MGLL: variants seen among roughly 807,000 people sequenced by gnomAD.
MGLL encodes the protein monoglyceride lipase.
MGLL carries 7 observed loss-of-function variants against 29.1 expected under a neutral mutation model. The ratio of observed to expected loss-of-function variants is 0.24; its 90% CI spans 0.14 to 0.45. The LOEUF (loss-of-function observed/expected upper bound fraction) is 0.45, where lower values mean the gene tolerates loss of function less well. MGLL is among the 20% of genes least tolerant of loss of function. The pLI is 0.99. For missense variants in MGLL, 356 were observed against 413.6 expected, an observed-to-expected ratio of 0.86 and a Z score of 1.21; for synonymous variants, 148 against 168.3, an observed-to-expected ratio of 0.88 and a Z score of 0.93.
chr3:127,755,117 C>T (rs764502137), intron 3 of MGLL, among the ~76,000 whole-genome samples: 4 of 152,152 alleles, frequency 2.6e-5, no homozygotes, highest in African/African-American at 7.2e-5. Context: ...TTTGCCCACA[C>T]GGCCTCGTCA....
chr3:127,792,234 G>C (rs115949607), intron 2 of MGLL, among the ~76,000 whole-genome samples: 1,757 of 152,284 alleles, frequency 0.012, 42 homozygotes, highest in South Asian at 0.095. Context: ...CCCAGACCAA[G>C]ACTACAGCCA....
chr3:127,781,996 G>C, intron 2 of MGLL, 101 bp from the exon 3 acceptor site: 5 of 1,062,800 alleles, frequency 4.7e-6, no homozygotes, highest in Non-Finnish European at 7.1e-6. Flanking sequence ...CGGGGCGGGC[G>C]GATTGCCTGA....
At chr3:127,765,384 A>G (rs1186525358) in intron 3 of MGLL, among the ~76,000 whole-genome samples, 1 of 152,248 alleles carries the variant, frequency 6.6e-6, no homozygotes, top group Non-Finnish European at 1.5e-5. Context: ...TCCTTCTGAA[A>G]GATAACCAGG....
intron 2 of MGLL, among the ~76,000 whole-genome samples, chr3:127,809,348 A>G (rs1407277446): frequency 6.6e-6 from 1 of 152,178 alleles, no homozygotes; most frequent in Non-Finnish European, 1.5e-5. Flanking sequence ...TCATGAGGCC[A>G]GGTGTGGTGG....
intron 2 of MGLL, among the ~76,000 whole-genome samples, chr3:127,796,936 T>C (rs1370814244): frequency 1.3e-5 from 2 of 152,180 alleles, no homozygotes; most frequent in Non-Finnish European, 2.9e-5. Context: ...CATCTCTCTT[T>C]GGGCACTTAT....
chr3:127,782,521 C>T lies in MGLL; in HGVS notation c.156-626G>A, dbSNP rs544393316. Among the ~76,000 whole-genome samples, 87 of 152,268 alleles carry T rather than the reference C, an allele frequency of 5.7e-4. 1 individual carries two copies. The highest frequency in any genetic ancestry group is 9.7e-4 in the Non-Finnish European group (66 of 68,014). On this transcript the variant is annotated intron_variant, in intron 2 of 7. Coordinates refer to ENST00000265052, the MANE Select transcript of MGLL (RefSeq NM_007283.7). ...GCTTGTGAGGCTCATGGGAGCTAAT[C>T]GATGCCAATGGCCCAGGCAGAGTGC...
intron 2 of MGLL, among the ~76,000 whole-genome samples, chr3:127,802,387 G>A (rs6439084): frequency 2.6e-5 from 4 of 152,080 alleles, no homozygotes; most frequent in African/African-American, 9.7e-5. Context: ...AAGCAAAACC[G>A]ACATCCTGCA....
chr3:127,727,081 A>G (rs1263222460), intron 3 of MGLL, among the ~76,000 whole-genome samples: 1 of 152,172 alleles, frequency 6.6e-6, no homozygotes, highest in Non-Finnish European at 1.5e-5. Flanking sequence ...TACATCCTGT[A>G]TCTGATTGTT....
At chr3:127,808,440 TC>T (rs1050783548) in intron 2 of MGLL, among the ~76,000 whole-genome samples, 1 of 152,182 alleles carries the variant, frequency 6.6e-6, no homozygotes, top group African/African-American at 2.4e-5. Context: ...TTCCCAAAAG[TC>T]CCAGGGGAAG....
At chr3:127,758,134 C>T (rs997940084) in intron 3 of MGLL, among the ~76,000 whole-genome samples, 5 of 152,160 alleles carry the variant, frequency 3.3e-5, no homozygotes, top group African/African-American at 1.2e-4. Context: ...CACTGGCCAC[C>T]CCCTTTTCCC....
At chr3:127,814,332 C>A (rs1014705116) in intron 2 of MGLL, among the ~76,000 whole-genome samples, 1 of 152,100 alleles carries the variant, frequency 6.6e-6, no homozygotes, top group African/African-American at 2.4e-5. Context: ...CGCAGCATCC[C>A]CACCCCCATC....
Position 127,726,200 on chromosome 3 carries a change from A to C in MGLL, c.263-3634T>G, listed in dbSNP as rs565432247. Among the ~76,000 whole-genome samples, 8 of 139,074 alleles carry C rather than the reference A, an allele frequency of 5.8e-5. No individual in the cohort carries two copies. The East Asian group carries it at 1.2e-3, about 21-fold the overall frequency. The allele number at this position is 139,074 out of a possible 152,430, so 91.2% of individuals were successfully genotyped here. On this transcript the variant is annotated intron_variant, in intron 3 of 7. Transcript: ENST00000265052. ...AGAAAGAAAGAAAAGAAAAGAAAGAAAGAAAGACAGAAGGAAGGAAAGAGA... is the reference window on the plus strand; with the variant it reads ...AGAAAGAAAGAAAAGAAAAGAAAGACAGAAAGACAGAAGGAAGGAAAGAGA...
intron 5 of MGLL, among the ~76,000 whole-genome samples, chr3:127,720,640 G>A (rs2075899768): frequency 1.3e-5 from 2 of 152,146 alleles, no homozygotes; most frequent in Non-Finnish European, 2.9e-5. Flanking sequence ...CAGTGGATGC[G>A]ACTCCATACT....
chr3:127,806,693 G>A (rs1356456603), intron 2 of MGLL, among the ~76,000 whole-genome samples: 1 of 151,894 alleles, frequency 6.6e-6, no homozygotes, highest in Non-Finnish European at 1.5e-5. Flanking sequence ...GGGTGAGTTG[G>A]TGGATGGATG....
chr3:127,750,521 G>T lies in MGLL; in HGVS notation c.263-27955C>A, dbSNP rs73861707. On this transcript the variant is annotated intron_variant, in intron 3 of 7. Transcript: ENST00000265052. ...AACCATGGTGGAGGAAACCGAGAAAGCCCCAAACAGCAGGTGGAGGCCAGG... is the reference window on the plus strand; with the variant it reads ...AACCATGGTGGAGGAAACCGAGAAATCCCCAAACAGCAGGTGGAGGCCAGG... Among the ~76,000 whole-genome samples, 856 of 152,234 alleles carry T rather than the reference G, an allele frequency of 5.6e-3. 7 individuals carry two copies. Among genetic ancestry groups the T allele is most frequent in the African/African-American group, 0.019 (790 of 41,546 alleles).
At chr3:127,735,829 G>A (rs1223095618) in intron 3 of MGLL, 1 of 1,598,146 alleles carries the variant, frequency 6.3e-7, no homozygotes, top group South Asian at 1.1e-5. Flanking sequence ...CATCCTTCCA[G>A]GGGAAGATCC....
Position 127,721,174 on chromosome 3 carries a change from G to A in MGLL, c.400-11C>T, listed in dbSNP as rs890645242. ...GGCGATGGCGCCTCCCTGTAATGCA[G>A]AATGGGCAGAGCTGCTGTGTTCGGC... On this transcript the variant is annotated splice_polypyrimidine_tract_variant and intron_variant, in intron 4 of 7. Transcript: ENST00000265052. 4 of 1,610,862 alleles carry A rather than the reference G, an allele frequency of 2.5e-6. No homozygotes were observed. The African/African-American group carries it at 5.3e-5, about 22-fold the overall frequency.
At chr3:127,810,527 G>T (rs118082228) in intron 2 of MGLL, among the ~76,000 whole-genome samples, 7 of 150,052 alleles carry the variant, frequency 4.7e-5, no homozygotes, top group African/African-American at 1.2e-4. Context: ...GTCACCAAAC[G>T]TCCCTCTGAA....
At chr3:127,694,683 T>C (rs1230950012) in intron 7 of MGLL, among the ~76,000 whole-genome samples, 1 of 152,182 alleles carries the variant, frequency 6.6e-6, no homozygotes, top group Non-Finnish European at 1.5e-5. Context: ...GGAGATTTTA[T>C]TTGCTCAGTG....
Sources: gnomAD v4.1 joint callset for allele counts (sites outside exome capture counted in the v4.1 genomes callset) on GRCh38, gnomAD v4.1.1 for gene constraint, MANE v1.5 for transcripts, NCBI Gene and HGNC (gene_info 2026-07-23, HGNC 2026-07-21) for gene names.